Variants in SLC13A3 observed in about 807,000 individuals in gnomAD.
SLC13A3 encodes solute carrier family 13 member 3, also known as Na(+)/dicarboxylate cotransporter 3.
SLC13A3 carries 40 observed loss-of-function variants against 59.0 expected under a neutral mutation model. The observed-to-expected ratio is 0.68, with a 90% CI of 0.53 to 0.88. The LOEUF (loss-of-function observed/expected upper bound fraction) is 0.88, where lower values mean the gene tolerates loss of function less well. Among genes scored for constraint, SLC13A3 ranks in the 40% least tolerant of loss-of-function variants. The probability of loss-of-function intolerance (pLI) is 0.00; values close to 1 mark genes in which losing one functional copy is unlikely to be tolerated. For missense variants in SLC13A3, 699 were observed against 783.2 expected (o/e 0.89, Z 1.28); for synonymous variants, 317 against 330.3 (o/e 0.96, Z 0.44).
intron 1 of SLC13A3, among the ~76,000 whole-genome samples, chr20:46,661,184 C>A (rs192438895): frequency 4.6e-5 from 7 of 152,026 alleles, no homozygotes; most frequent in African/African-American, 1.7e-4. Context: ...AATCTTTGAA[C>A]GCATTGTTGA....
chr20:46,680,198 C>T (rs142106702), intron 1 of SLC13A3, among the ~76,000 whole-genome samples: 18 of 152,294 alleles, frequency 1.2e-4, no homozygotes, highest in Middle Eastern at 3.4e-3. Context: ...CAGTCTCAGA[C>T]CTTTGATTCA....
chr20:46,667,915 A>T (rs991379013), intron 1 of SLC13A3, among the ~76,000 whole-genome samples: 7 of 152,160 alleles, frequency 4.6e-5, no homozygotes, highest in African/African-American at 1.7e-4. Flanking sequence ...TGTTATGCTG[A>T]TCTGTGATCA....
At chr20:46,633,568 G>A (rs928091123) in intron 1 of SLC13A3, among the ~76,000 whole-genome samples, 7 of 131,414 alleles carry the variant, frequency 5.3e-5, no homozygotes, top group African/African-American at 1.3e-4. Context: ...TTCTCCCCCA[G>A]CCTCTGGGGC....
intron 9 of SLC13A3, among the ~76,000 whole-genome samples, chr20:46,576,124 C>A (rs439143): frequency 0.88 from 133,627 of 151,848 alleles, 59,086 homozygotes; most frequent in African/African-American, 0.96. Context: ...TATTTCCTCG[C>A]AAGTGGCAGC....
chr20:46,559,965 G>A lies in SLC13A3; in HGVS notation c.*57C>T. 1 of 1,503,546 alleles carries A rather than the reference G, an allele frequency of 6.7e-7. No homozygotes were observed. The highest frequency in any genetic ancestry group is 9.2e-7 in the Non-Finnish European group (1 of 1,084,754). The allele number at this position is 1,503,546 out of a possible 1,614,324, so 93.1% of individuals were successfully genotyped here. On this transcript the variant is annotated 3_prime_UTR_variant, in exon 13 of 13. Transcript: ENST00000279027. ...ATTGTTTTGTAGTGTCCTAGCAGCA[G>A]GTGATGGTGACAGCCCTTTGAGAGG...
chr20:46,601,842 G>C (rs145417851), intron 3 of SLC13A3, among the ~76,000 whole-genome samples: 1,566 of 152,262 alleles, frequency 0.01, 14 homozygotes, highest in Middle Eastern at 0.024. Context: ...TGGAGCTGCA[G>C]GGGCCAGAGG....
chr20:46,610,417 T>A, intron 3 of SLC13A3, 29 bp downstream of exon 3: 2 of 1,586,034 alleles, frequency 1.3e-6, no homozygotes, highest in Non-Finnish European at 1.7e-6. Context: ...CCTGGTGGAT[T>A]TGGCCCCAAT....
intron 9 of SLC13A3, chr20:46,582,807 A>G: frequency 1.0e-6 from 1 of 985,376 alleles, no homozygotes; most frequent in Non-Finnish European, 1.2e-6. Flanking sequence ...AGCTCATCCA[A>G]CTGACCCAGG....
chr20:46,585,032 G>T (rs2062177414), intron 8 of SLC13A3: 1 of 611,428 alleles, frequency 1.6e-6, no homozygotes, highest in Non-Finnish European at 2.0e-6. Flanking sequence ...TTGAAGCATT[G>T]AACACAATCC....
chr20:46,675,733 C>G (rs1264553053), intron 1 of SLC13A3, among the ~76,000 whole-genome samples: 2 of 151,946 alleles, frequency 1.3e-5, no homozygotes, highest in African/African-American at 4.8e-5. Flanking sequence ...AGGCATGCAC[C>G]ACCTTGCCTG....
At chr20:46,610,201 T>C (rs189164414) in intron 3 of SLC13A3, among the ~76,000 whole-genome samples, 238 of 152,354 alleles carry the variant, frequency 1.6e-3, no homozygotes, top group African/African-American at 5.2e-3. Flanking sequence ...AGGAAGATAA[T>C]GTATGTAAAG....
At chr20:46,597,050 C>A (rs189622750) in intron 4 of SLC13A3, among the ~76,000 whole-genome samples, 1 of 152,058 alleles carries the variant, frequency 6.6e-6, no homozygotes, top group Admixed American at 6.5e-5. Context: ...GAGACCCTGT[C>A]TCTAAAAAAA....
chr20:46,652,910 T>C (rs1408454943), upstream of SLC13A3, among the ~76,000 whole-genome samples: 3 of 152,206 alleles, frequency 2.0e-5, no homozygotes, highest in Non-Finnish European at 4.4e-5. Context: ...TTTGCCAACA[T>C]TTGGTGTTGT....
In SLC13A3 at chr20:46,592,871, T is replaced by A. The variant is rs190851321; in HGVS notation, c.795-342A>T. On this transcript the variant is annotated intron_variant, in intron 5 of 12. Coordinates refer to ENST00000279027, the MANE Select transcript of SLC13A3 (RefSeq NM_022829.6). ...ATTAAAGGGCTCAGCTGCTATTTGC[T>A]TCCCCATGGTTGCCATGCAAGAGTG... 3.0e-4 allele frequency among the ~76,000 whole-genome samples: 45 copies of A among 152,320 alleles called. No individual in the cohort carries two copies. The East Asian group carries it at 8.1e-3, about 27-fold the overall frequency.
At chr20:46,602,246 G>A (rs2062387336) in intron 3 of SLC13A3, among the ~76,000 whole-genome samples, 1 of 152,112 alleles carries the variant, frequency 6.6e-6, no homozygotes, top group Non-Finnish European at 1.5e-5. Flanking sequence ...CTGAGGTGGA[G>A]GATCTGTTGA....
intron 1 of SLC13A3, among the ~76,000 whole-genome samples, chr20:46,624,050 T>C (rs2062642780): frequency 6.6e-6 from 1 of 152,182 alleles, no homozygotes; most frequent in Admixed American, 6.5e-5. Flanking sequence ...CAAGAGAACC[T>C]CTCTCAAGCT....
At chr20:46,561,562 G>T (rs1244785529) in intron 12 of SLC13A3, among the ~76,000 whole-genome samples, 1 of 151,806 alleles carries the variant, frequency 6.6e-6, no homozygotes, top group East Asian at 1.9e-4. Flanking sequence ...TTTATTTTTA[G>T]GTTTACTGGC....
intron 1 of SLC13A3, among the ~76,000 whole-genome samples, chr20:46,664,351 C>T (rs2063050174): frequency 6.6e-6 from 1 of 152,156 alleles, no homozygotes; most frequent in South Asian, 2.1e-4. Flanking sequence ...CACCCAACAG[C>T]TTTGGGGCCT....
intron 4 of SLC13A3, among the ~76,000 whole-genome samples, chr20:46,597,506 G>A (rs150017767): frequency 0.092 from 13,943 of 152,004 alleles, 712 homozygotes; most frequent in Admixed American, 0.11. Flanking sequence ...GCATGATCTC[G>A]GCTCACTGCT....
Sources: gnomAD v4.1 joint callset for allele counts (sites outside exome capture counted in the v4.1 genomes callset) on GRCh38, gnomAD v4.1.1 for gene constraint, MANE v1.5 for transcripts, NCBI Gene and HGNC (gene_info 2026-07-23, HGNC 2026-07-21) for gene names.